MSR1: variants seen among roughly 807,000 people sequenced by gnomAD.
MSR1 encodes macrophage scavenger receptor types I and II.
MSR1 carries 53 observed loss-of-function variants against 47.2 expected under a neutral mutation model. The observed-to-expected ratio is 1.12, with a 90% CI of 0.90 to 1.41. The LOEUF is 1.41. MSR1 is among the 40% of genes most tolerant of loss of function. The probability of loss-of-function intolerance (pLI) is 0.00; values close to 1 mark genes in which losing one functional copy is unlikely to be tolerated. For synonymous variants in MSR1, 239 were observed against 185.6 expected (o/e 1.29, Z -2.34); for missense variants, 786 against 546.9 (o/e 1.44, Z -4.36).
At position 16,175,484 on chromosome 8, in the gene MSR1, T is replaced by C. The variant is rs955139582; in HGVS notation, c.104-184A>G. ...GTCACAGGAAAAGCCAATCCAGGTA[T>C]CATTATAGGCACTTGACTGACTTAT... On this transcript the variant is annotated intron_variant, in intron 2 of 9. Transcript: ENST00000262101. Among the ~76,000 whole-genome samples, 5 of 152,184 alleles carry C rather than the reference T, an allele frequency of 3.3e-5. No homozygotes were observed. The South Asian group carries it at 8.3e-4, about 25-fold the overall frequency.
rs574300933 is a variant in MSR1, at chr8:16,130,856, C to G, written c.1034-10250G>C. On this transcript the variant is annotated intron_variant, in intron 8 of 9. Transcript: ENST00000262101. ...ATGGTATTCCACGGTGTATATGTAC[C>G]ACATTTTCTTTATCCAGTCTACCAA... is the stretch of plus-strand genomic sequence containing the variant. Among the ~76,000 whole-genome samples the G allele has an allele frequency of 3.4e-3, 510 of 151,998 alleles. 1 individual carries two copies. Among genetic ancestry groups the G allele is most frequent in the Non-Finnish European group, 4.9e-3 (333 of 67,960 alleles).
rs1315544642 is a variant in MSR1, at chr8:16,108,670, A to T, written c.*1415T>A. On this transcript the variant is annotated 3_prime_UTR_variant, in exon 10 of 10. Transcript: ENST00000262101. ...ATTATGCTGCCAGAGAAAATCAGCAATGTTAAACAAGTAGAAGAATGTTAC... is the reference window on the plus strand; with the variant it reads ...ATTATGCTGCCAGAGAAAATCAGCATTGTTAAACAAGTAGAAGAATGTTAC... 1 of 152,166 alleles carries T rather than the reference A, an allele frequency of 6.6e-6. No individual in the cohort carries two copies. Among genetic ancestry groups the T allele is most frequent in the Admixed American group, 6.5e-5 (1 of 15,272 alleles). 9.4% of individuals were successfully genotyped at this position (152,166 alleles called of 1,614,324 possible).
intron 3 of MSR1, among the ~76,000 whole-genome samples, chr8:16,173,369 C>T (rs965558758): frequency 6.6e-6 from 1 of 152,148 alleles, no homozygotes; most frequent in Non-Finnish European, 1.5e-5. Flanking sequence ...ATGAAATCTA[C>T]TCAAATTCTA....
chr8:16,150,536 T>C (rs1157132217), intron 6 of MSR1, among the ~76,000 whole-genome samples: 2 of 152,078 alleles, frequency 1.3e-5, no homozygotes, highest in Non-Finnish European at 2.9e-5. Context: ...ATAAATAACA[T>C]ATTGTTGGTA....
chr8:16,132,593 T>C (rs960925738), intron 8 of MSR1, among the ~76,000 whole-genome samples: 1 of 152,228 alleles, frequency 6.6e-6, no homozygotes, highest in Admixed American at 6.5e-5. Context: ...GTTCAAGTGA[T>C]TCTCCTGCCT....
intron 9 of MSR1, among the ~76,000 whole-genome samples, chr8:16,114,755 T>C (rs989740356): frequency 1.3e-5 from 2 of 152,200 alleles, no homozygotes; most frequent in Non-Finnish European, 2.9e-5. Context: ...GCAAAACTAA[T>C]TGTTCTTAAA....
At chr8:16,189,715 A>AC (rs1802136628) in intron 1 of MSR1, among the ~76,000 whole-genome samples, 11 of 79,046 alleles carry the variant, frequency 1.4e-4, no homozygotes, top group Admixed American at 2.0e-4. Context: ...ATAAAATCTT[A>AC]TTTTATATAT....
intron 4 of MSR1, among the ~76,000 whole-genome samples, chr8:16,166,321 C>T (rs574189311): frequency 2.3e-5 from 3 of 130,734 alleles, no homozygotes; most frequent in Admixed American, 1.6e-4. Flanking sequence ...CCACACCTGA[C>T]TAATTTTTTT....
intron 6 of MSR1, among the ~76,000 whole-genome samples, chr8:16,154,153 C>T (rs915085749): frequency 6.6e-6 from 1 of 151,710 alleles, no homozygotes; most frequent in African/African-American, 2.4e-5. Context: ...GTGACCAGGG[C>T]TAGTCAATAC....
rs140132584 is a variant in MSR1, at chr8:16,141,793, GAC to G, written c.1033+1763_1033+1764del. Among the ~76,000 whole-genome samples, 22 of 152,166 alleles carry G rather than the reference GAC, an allele frequency of 1.4e-4. No homozygotes were observed. In the East Asian group the frequency reaches 4.1e-3, roughly 28 times the overall value. On this transcript the variant is annotated intron_variant, in intron 8 of 9. Coordinates refer to ENST00000262101, the MANE Select transcript of MSR1 (RefSeq NM_138715.3). ...CATTTGATAACCTTAGGTAATGGAA[GAC>G]AGTGGGGTGCTGTTTGCAGTGTAAA...
Position 16,179,254 on chromosome 8 carries a change from C to T in MSR1, c.-4-1262G>A, listed in dbSNP as rs1302355987. Among the ~76,000 whole-genome samples the T allele has an allele frequency of 2.6e-5, 4 of 152,130 alleles. No homozygotes were observed. The South Asian group carries it at 8.3e-4, about 32-fold the overall frequency. On this transcript the variant is annotated intron_variant, in intron 1 of 9. Coordinates refer to ENST00000262101, the MANE Select transcript of MSR1 (RefSeq NM_138715.3). Reference sequence around the variant, plus strand: ...GGATCTGAATGATCTGATTTGACTTCTTACAAAAGTCAATTTTCCCAGATA... The same window carrying T: ...GGATCTGAATGATCTGATTTGACTTTTTACAAAAGTCAATTTTCCCAGATA...
intron 4 of MSR1, among the ~76,000 whole-genome samples, chr8:16,165,617 G>A (rs1179485036): frequency 6.6e-6 from 1 of 151,940 alleles, no homozygotes; most frequent in South Asian, 2.1e-4. Context: ...ACTCATTTCC[G>A]ATTTGCACAT....
intron 9 of MSR1, among the ~76,000 whole-genome samples, chr8:16,119,439 TG>T (rs1345123792): frequency 6.6e-6 from 1 of 152,100 alleles, no homozygotes; most frequent in Non-Finnish European, 1.5e-5. Context: ...TTGGCCAGGC[TG>T]ATCTCGAACT....
chr8:16,133,640 G>C (rs545495516), intron 8 of MSR1, among the ~76,000 whole-genome samples: 1 of 152,164 alleles, frequency 6.6e-6, no homozygotes, highest in Non-Finnish European at 1.5e-5. Context: ...CTTTGTTCTT[G>C]ACTGGTCTGC....
intron 8 of MSR1, among the ~76,000 whole-genome samples, chr8:16,134,730 G>C (rs1450385103): frequency 6.6e-6 from 1 of 152,184 alleles, no homozygotes; most frequent in Non-Finnish European, 1.5e-5. Flanking sequence ...CAGGCTGAAA[G>C]TATGAAATTT....
chr8:16,120,300 C>T (rs570400049), intron 9 of MSR1, 118 bp downstream of exon 9: 6 of 1,048,322 alleles, frequency 5.7e-6, no homozygotes, highest in African/African-American at 4.7e-5. Context: ...TCGCTTGAAT[C>T]CGGGAGGCAG....
chr8:16,120,272 C>A, intron 9 of MSR1, 146 bp downstream of exon 9: 2 of 809,048 alleles, frequency 2.5e-6, no homozygotes, highest in East Asian at 2.7e-5. Flanking sequence ...AGCTACTAGG[C>A]AGGCTAAGGG....
At chr8:16,138,491 G>A (rs1800446492) in intron 8 of MSR1, among the ~76,000 whole-genome samples, 1 of 152,164 alleles carries the variant, frequency 6.6e-6, no homozygotes, top group Non-Finnish European at 1.5e-5. Flanking sequence ...TTTGTCTAAA[G>A]AGAGAAGACT....
intron 1 of MSR1, among the ~76,000 whole-genome samples, chr8:16,181,050 A>G (rs1177571614): frequency 6.6e-6 from 1 of 152,188 alleles, no homozygotes; most frequent in Non-Finnish European, 1.5e-5. Context: ...ACTCTTCTCT[A>G]TTTCCTCCCT....
Sources: allele counts gnomAD v4.1 joint callset (sites outside exome capture counted in the v4.1 genomes callset), GRCh38; gene constraint gnomAD v4.1.1; transcripts MANE v1.5; gene names NCBI Gene and HGNC (gene_info 2026-07-23, HGNC 2026-07-21).